MTRR: variants seen among roughly 807,000 people sequenced by gnomAD.
The protein encoded by MTRR is 5-methyltetrahydrofolate-homocysteine methyltransferase reductase.
Under a neutral mutation model 79.2 loss-of-function variants are expected in MTRR, and 63 were observed. That is an observed-to-expected ratio of 0.80 (90% CI 0.65 to 0.98). The LOEUF (loss-of-function observed/expected upper bound fraction) is 0.98. Among genes scored for constraint, MTRR ranks in the 50% least tolerant of loss-of-function variants. The probability of loss-of-function intolerance (pLI) is 0.00; values close to 1 mark genes in which losing one functional copy is unlikely to be tolerated. For missense variants in MTRR, 895 were observed against 839.6 expected (o/e 1.07, Z -0.82); for synonymous variants, 355 against 313.3 (o/e 1.13, Z -1.41).
Position 7,891,417 on chromosome 5 carries a change from A to G in MTRR, c.1370+3A>G. On this transcript the variant is annotated splice_donor_region_variant and intron_variant, in intron 10 of 14. Transcript: ENST00000440940. Reference sequence around the variant, plus strand: ...CCCAGACCATATTCGTGTGCAAGGTACTACTATTTATTCACGTAATATATA... The same window carrying G: ...CCCAGACCATATTCGTGTGCAAGGTGCTACTATTTATTCACGTAATATATA... 6.2e-7 allele frequency: 1 copy of G among 1,608,010 alleles called. No individual in the cohort carries two copies. The highest frequency in any genetic ancestry group is 8.5e-7 in the Non-Finnish European group (1 of 1,175,438).
chr5:7,870,933 G>A lies in MTRR; in HGVS notation c.129+10G>A, dbSNP rs6413427. 2.1e-5 allele frequency: 34 copies of A among 1,613,992 alleles called. No individual in the cohort carries two copies. In the African/African-American group the frequency reaches 2.1e-4, roughly 10 times the overall value. ...TAGTGAATCCGATAAGGTTAGAGCCGTTACAGTGGATTTTACCGTTTTGTG... is the reference window on the plus strand; with the variant it reads ...TAGTGAATCCGATAAGGTTAGAGCCATTACAGTGGATTTTACCGTTTTGTG... On this transcript the variant is annotated intron_variant, in intron 2 of 14. Transcript: ENST00000440940.
At chr5:7,861,404 T>A (rs1473540357) in intron 1 of MTRR, 12 of 597,442 alleles carry the variant, frequency 2.0e-5, no homozygotes, top group Non-Finnish European at 3.2e-5. Context: ...ATGAATTTGA[T>A]CTTATTAATA....
chr5:7,892,938 A>C (rs200248275), intron 11 of MTRR, 25 bp downstream of exon 11: 41 of 1,601,608 alleles, frequency 2.6e-5, no homozygotes, highest in South Asian at 1.1e-4. Flanking sequence ...CCTTAACCTC[A>C]GCATTGTTAA....
At chr5:7,880,335 C>G (rs1369460534) in intron 5 of MTRR, among the ~76,000 whole-genome samples, 1 of 152,220 alleles carries the variant, frequency 6.6e-6, no homozygotes, top group African/African-American at 2.4e-5. Flanking sequence ...TGTTCCAGCG[C>G]AAAGTGAACT....
intron 6 of MTRR, among the ~76,000 whole-genome samples, chr5:7,884,496 ATTTTTATTGTTAT>A (rs765008911): frequency 1.3e-5 from 2 of 152,112 alleles, no homozygotes; most frequent in Non-Finnish European, 2.9e-5. Context: ...AGTTTACATT[ATTTTTATTGTTAT>A]TTTTTATTGT....
chr5:7,867,066 C>T (rs371410384), upstream of MTRR: 3 of 1,614,180 alleles, frequency 1.9e-6, no homozygotes, highest in East Asian at 6.7e-5. Context: ...TATATGAACG[C>T]CTCCAAGACT....
chr5:7,899,498 A>G lies in MTRR; in HGVS notation c.1953-416A>G, dbSNP rs1168523493. Among the ~76,000 whole-genome samples the G allele has an allele frequency of 7.2e-5, 11 of 152,204 alleles. 1 individual carries two copies. The East Asian group carries it at 1.7e-3, about 24-fold the overall frequency. ...GGTGTCTGTTACTAACTGTATGTGT[A>G]TAAAGACCTAGAAGTGTGCGAGAGA... On this transcript the variant is annotated intron_variant, in intron 14 of 14. Transcript: ENST00000440940.
upstream of MTRR, chr5:7,869,010 C>G (rs762855940): frequency 2.6e-6 from 3 of 1,176,308 alleles, no homozygotes; most frequent in East Asian, 7.0e-5. Context: ...TCCGGGTGGT[C>G]GCGGAAGCGC....
chr5:7,900,369 ACT>A lies in MTRR; in HGVS notation c.*314_*315del, dbSNP rs1478314756. 3.1e-6 allele frequency: 1 copy of A among 323,834 alleles called. No individual in the cohort carries two copies. The highest frequency in any genetic ancestry group is 3.7e-5 in the South Asian group (1 of 27,314). 20.1% of individuals were successfully genotyped at this position (323,834 alleles called of 1,614,324 possible). On this transcript the variant is annotated 3_prime_UTR_variant, in exon 15 of 15. Transcript: ENST00000440940. ...TTACTTCCCAGAGAACTTCACAGAGACTCTGTCCTTCCATGCAAAGGCTTCCT... is the reference window on the plus strand; with the variant it reads ...TTACTTCCCAGAGAACTTCACAGAGACTGTCCTTCCATGCAAAGGCTTCCT...
chr5:7,880,871 C>T (rs1455095998), intron 5 of MTRR, among the ~76,000 whole-genome samples: 1 of 152,172 alleles, frequency 6.6e-6, no homozygotes, highest in East Asian at 1.9e-4. Flanking sequence ...TGGGTAACAA[C>T]ATTCATTTGA....
chr5:7,886,706 AT>A lies in MTRR; in HGVS notation c.1146+10del, dbSNP rs750264866. On this transcript the variant is annotated splice_donor_region_variant and intron_variant, in intron 8 of 14. Transcript: ENST00000440940. ...AAATCCGAGCAATTCCTAAAAAGGT[AT>A]TTTTTTCTGTCTTCTTCAGGTAACT... The A allele has an allele frequency of 6.2e-7, 1 of 1,603,434 alleles. No homozygotes were observed. The highest frequency in any genetic ancestry group is 8.5e-7 in the Non-Finnish European group (1 of 1,170,482).
chr5:7,853,989 C>G (rs1296784935), intron 1 of MTRR, among the ~76,000 whole-genome samples: 1 of 152,154 alleles, frequency 6.6e-6, no homozygotes, highest in Non-Finnish European at 1.5e-5. Context: ...TTACCAGAGA[C>G]AGATGAAACC....
At chr5:7,865,787 A>G (rs1746903117), upstream of MTRR, 1 of 779,506 alleles carries the variant, frequency 1.3e-6, no homozygotes. Flanking sequence ...ACTGACTCCA[A>G]GTAAATGAAA....
intron 12 of MTRR, chr5:7,896,417 GT>G (rs1290316775): frequency 4.8e-6 from 1 of 207,476 alleles, no homozygotes; most frequent in East Asian, 1.3e-4. Context: ...ATTTTATTTC[GT>G]TTTAATTTTT....
intron 1 of MTRR, 81 bp downstream of exon 1, chr5:7,869,296 GGGGTGGGC>G (rs1363362370): frequency 6.5e-7 from 1 of 1,549,896 alleles, no homozygotes; most frequent in African/African-American, 1.4e-5. Flanking sequence ...GCCCGGGGCG[GGGGTGGGC>G]AGCCGGCTTG....
rs367713117 is a variant in MTRR, at chr5:7,897,260, C to T, written c.1952+13C>T. 50 of 1,613,132 alleles carry T rather than the reference C, an allele frequency of 3.1e-5. No homozygotes were observed. Among genetic ancestry groups the T allele is most frequent in the Admixed American group, 1.0e-4 (6 of 59,968 alleles). ...TTTATGTGTGTGGGTGAGTCATTAT[C>T]GTGCCTAAGTCGGGTAGGAGAGGGC... is the stretch of plus-strand genomic sequence containing the variant. On this transcript the variant is annotated intron_variant, in intron 14 of 14. Transcript: ENST00000440940.
chr5:7,867,362 T>C, upstream of MTRR: 1 of 1,614,116 alleles, frequency 6.2e-7, no homozygotes, highest in Non-Finnish European at 8.5e-7. Context: ...TTGAAGTTGA[T>C]TTATAATGAG....
At chr5:7,866,796 T>C (rs1746987035), upstream of MTRR, 3 of 1,614,086 alleles carry the variant, frequency 1.9e-6, no homozygotes, top group South Asian at 3.3e-5. Context: ...TCCAGCTTTC[T>C]AAATAAAGCA....
chr5:7,868,124 A>T, upstream of MTRR: 1 of 1,378,322 alleles, frequency 7.3e-7, no homozygotes, highest in South Asian at 1.4e-5. Flanking sequence ...TAAAAAATTT[A>T]AAAACACATG....
Sources: allele counts gnomAD v4.1 joint callset (sites outside exome capture counted in the v4.1 genomes callset), GRCh38; gene constraint gnomAD v4.1.1; transcripts MANE v1.5; gene names NCBI Gene and HGNC (gene_info 2026-07-23, HGNC 2026-07-21).